The following PAN3 variants were observed in gnomAD, a reference collection of about 807,000 sequenced individuals.
PAN3 encodes PAN2-PAN3 deadenylation complex subunit PAN3.
PAN3 carries 19 observed loss-of-function variants against 96.2 expected under a neutral mutation model. The observed-to-expected ratio is 0.20, with a 90% CI of 0.14 to 0.29. The LOEUF (loss-of-function observed/expected upper bound fraction) is 0.29. Among genes scored for constraint, PAN3 ranks in the 10% least tolerant of loss-of-function variants. The probability of loss-of-function intolerance (pLI) is 1.00; values close to 1 mark genes in which losing one functional copy is unlikely to be tolerated. For missense variants in PAN3, 882 were observed against 1,108.1 expected (o/e 0.80, Z 2.90); for synonymous variants, 433 against 406.6 (o/e 1.06, Z -0.78).
chr13:28,181,788 ATTATCT>A (rs1422880659), intron 4 of PAN3, among the ~76,000 whole-genome samples: 1 of 152,216 alleles, frequency 6.6e-6, no homozygotes, highest in Non-Finnish European at 1.5e-5. Flanking sequence ...CATTTTTCTA[ATTATCT>A]TTATTTTACA....
intron 6 of PAN3, among the ~76,000 whole-genome samples, chr13:28,238,111 CTG>C: frequency 6.6e-6 from 1 of 152,324 alleles, no homozygotes; most frequent in African/African-American, 2.4e-5. Context: ...GTAGTTAAAA[CTG>C]TTTTAAAACC....
intron 5 of PAN3, among the ~76,000 whole-genome samples, chr13:28,213,419 C>T (rs566922626): frequency 3.1e-4 from 47 of 152,026 alleles, no homozygotes; most frequent in African/African-American, 1.1e-3. Flanking sequence ...GACAGTATAA[C>T]AGTATCTTTA....
chr13:28,194,847 A>T (rs1460838201), intron 4 of PAN3, among the ~76,000 whole-genome samples: 2 of 152,112 alleles, frequency 1.3e-5, no homozygotes, highest in Admixed American at 6.5e-5. Flanking sequence ...TTTCTATTTG[A>T]ACACAAAAAT....
rs1158838768 is a variant in PAN3, at chr13:28,260,571, A to G, written c.1353+20A>G. The G allele has an allele frequency of 3.2e-6, 5 of 1,556,964 alleles. No individual in the cohort carries two copies. In the East Asian group the frequency reaches 9.0e-5, roughly 28 times the overall value. On this transcript the variant is annotated intron_variant, in intron 8 of 18. Coordinates refer to ENST00000380958, the MANE Select transcript of PAN3 (RefSeq NM_175854.8). ...CGACAGGTATGCTTTCAGAATTCAT[A>G]GTAGGAATACTTAATGTCTCCTGTG...
intron 1 of PAN3, among the ~76,000 whole-genome samples, chr13:28,167,314 T>G (rs988235793): frequency 5.9e-5 from 9 of 151,872 alleles, no homozygotes; most frequent in African/African-American, 2.2e-4. Flanking sequence ...TGCCTCAGCC[T>G]CTGCCTGGCT....
chr13:28,154,970 A>G, intron 1 of PAN3, among the ~76,000 whole-genome samples: 1 of 149,396 alleles, frequency 6.7e-6, no homozygotes, highest in Non-Finnish European at 1.5e-5. Context: ...ACAGTCGCCC[A>G]CCACCATGCC....
chr13:28,270,691 T>G lies in PAN3; in HGVS notation c.1793-10T>G. ...TAAGATGTCATTTTTTGGATTTCTT[T>G]GCTGTATAGGTCAGCACGAGGGACC... On this transcript the variant is annotated splice_polypyrimidine_tract_variant and intron_variant, in intron 12 of 18. Transcript: ENST00000380958. 1 of 1,601,838 alleles carries G rather than the reference T, an allele frequency of 6.2e-7. No homozygotes were observed. The highest frequency in any genetic ancestry group is 8.5e-7 in the Non-Finnish European group (1 of 1,174,576).
chr13:28,239,146 AC>A (rs1883376915), intron 6 of PAN3, among the ~76,000 whole-genome samples: 1 of 29,536 alleles, frequency 3.4e-5, no homozygotes, highest in Non-Finnish European at 6.1e-5. Flanking sequence ...CACCCCCCCC[AC>A]CCCCCACCCC....
At chr13:28,188,120 T>C (rs1290399617) in intron 4 of PAN3, among the ~76,000 whole-genome samples, 1 of 152,208 alleles carries the variant, frequency 6.6e-6, no homozygotes, top group East Asian at 1.9e-4. Flanking sequence ...TAAACGAGTA[T>C]ATGAATTTAT....
At chr13:28,187,959 G>A (rs565977961) in intron 4 of PAN3, among the ~76,000 whole-genome samples, 54 of 152,244 alleles carry the variant, frequency 3.5e-4, no homozygotes, top group African/African-American at 1.3e-3. Flanking sequence ...CTCCCAAAGT[G>A]CTGAGATTAC....
chr13:28,245,622 A>G (rs1445240258), intron 6 of PAN3, among the ~76,000 whole-genome samples: 1 of 152,204 alleles, frequency 6.6e-6, no homozygotes, highest in East Asian at 1.9e-4. Context: ...TTCAAATTCC[A>G]CAGCATTTTC....
At chr13:28,215,693 G>A (rs1566194868) in intron 5 of PAN3, 1 of 1,487,088 alleles carries the variant, frequency 6.7e-7, no homozygotes, top group Non-Finnish European at 9.1e-7. Context: ...AATTCTTGAA[G>A]TCTGGTGATG....
rs564290934 is a variant in PAN3 at position 28,288,983 on chromosome 13, T to C, written c.2523+861T>C. Reference sequence around the variant, plus strand: ...CTGGGACTACAGGCACCCACCACCATGCCCGGCTAATTTTTTGTATTTTTA... The same window carrying C: ...CTGGGACTACAGGCACCCACCACCACGCCCGGCTAATTTTTTGTATTTTTA... On this transcript the variant is annotated intron_variant, in intron 18 of 18. Coordinates refer to ENST00000380958, the MANE Select transcript of PAN3 (RefSeq NM_175854.8). 1.1e-3 allele frequency among the ~76,000 whole-genome samples: 174 copies of C among 151,788 alleles called. 2 individuals carry two copies. The South Asian group carries it at 0.013, about 11-fold the overall frequency.
At chr13:28,219,456 T>C (rs747399062) in intron 5 of PAN3, among the ~76,000 whole-genome samples, 1 of 152,236 alleles carries the variant, frequency 6.6e-6, no homozygotes, top group African/African-American at 2.4e-5. Context: ...GAAGTTGTTC[T>C]TTCTGCCTCC....
chr13:28,154,421 C>T (rs1234681671), intron 1 of PAN3, among the ~76,000 whole-genome samples: 1 of 151,890 alleles, frequency 6.6e-6, no homozygotes, highest in Non-Finnish European at 1.5e-5. Context: ...CTTGCTGTGG[C>T]TATCTTGGTG....
rs1024529530 is a variant in PAN3 at position 28,294,838 on chromosome 13, A to G, written c.*2316A>G. On this transcript the variant is annotated 3_prime_UTR_variant, in exon 19 of 19. Transcript: ENST00000380958. ...TGCATATTTTTTTAAGCTTTGTTTT[A>G]TATTTATTTTTCATTTAGTTTTTAT... 1 of 152,140 alleles carries G rather than the reference A, an allele frequency of 6.6e-6. No homozygotes were observed. Among genetic ancestry groups the G allele is most frequent in the Non-Finnish European group, 1.5e-5 (1 of 68,022 alleles). The allele number at this position is 152,140 out of a possible 1,614,324, so 9.4% of individuals were successfully genotyped here. A position where few individuals can be genotyped will look rare whatever the true frequency, so the allele number is the denominator to read the frequency against.
intron 1 of PAN3, among the ~76,000 whole-genome samples, chr13:28,141,631 C>G (rs1301824295): frequency 6.6e-6 from 1 of 151,568 alleles, no homozygotes; most frequent in Non-Finnish European, 1.5e-5. Flanking sequence ...CCACGCTCAG[C>G]TAATATTGTA....
chr13:28,280,685 C>G (rs560485624), intron 16 of PAN3, 144 bp downstream of exon 16: 2 of 701,436 alleles, frequency 2.9e-6, no homozygotes, highest in Middle Eastern at 4.2e-4. Flanking sequence ...CCTCAGCCTC[C>G]CAAGTAGCTG....
At chr13:28,148,346 A>T (rs1870944085) in intron 1 of PAN3, among the ~76,000 whole-genome samples, 1 of 152,186 alleles carries the variant, frequency 6.6e-6, no homozygotes, top group East Asian at 1.9e-4. Flanking sequence ...ACTGTGGTAC[A>T]ATCATAGCTC....
Sources: allele counts gnomAD v4.1 joint callset (sites outside exome capture counted in the v4.1 genomes callset), GRCh38; gene constraint gnomAD v4.1.1; transcripts MANE v1.5; gene names NCBI Gene and HGNC (gene_info 2026-07-23, HGNC 2026-07-21).